NELL2: variants seen among roughly 807,000 people sequenced by gnomAD.
NELL2 encodes the protein neural EGFL like 2.
A neutral mutation model predicts 109.6 loss-of-function variants in NELL2; 41 were observed. The ratio of observed to expected loss-of-function variants is 0.37; its 90% CI spans 0.29 to 0.49. The LOEUF is 0.49. NELL2 is among the 20% of genes least tolerant of loss of function. NELL2 has a pLI of 0.98. For synonymous variants in NELL2, 355 were observed against 344.7 expected (o/e 1.03, Z -0.33); for missense variants, 900 against 1,008.3 (o/e 0.89, Z 1.45).
intron 12 of NELL2, among the ~76,000 whole-genome samples, chr12:44,684,432 A>T (rs1948642851): frequency 6.6e-6 from 1 of 151,660 alleles, no homozygotes; most frequent in Non-Finnish European, 1.5e-5. Context: ...TTCTGCTCTG[A>T]TTTTAGTTAT....
chr12:44,648,531 G>A (rs946090212), intron 13 of NELL2, among the ~76,000 whole-genome samples: 4 of 151,898 alleles, frequency 2.6e-5, no homozygotes, highest in African/African-American at 7.3e-5. Context: ...ATAAGTCAAC[G>A]AAGTTTCTAG....
intron 1 of NELL2, among the ~76,000 whole-genome samples, chr12:44,884,058 C>T (rs1945444194): frequency 6.6e-6 from 1 of 151,508 alleles, no homozygotes; most frequent in African/African-American, 2.4e-5. Context: ...TATAATCCCA[C>T]TATATGTTAT....
At chr12:44,779,397 G>C (rs1387819408) in intron 5 of NELL2, among the ~76,000 whole-genome samples, 1 of 152,050 alleles carries the variant, frequency 6.6e-6, no homozygotes, top group Non-Finnish European at 1.5e-5. Flanking sequence ...TGCTTTGAAA[G>C]GTTAATTCAA....
chr12:44,523,535 C>T lies in NELL2; in HGVS notation c.1805-51G>A, dbSNP rs1392328177. 4 of 1,507,538 alleles carry T rather than the reference C, an allele frequency of 2.7e-6. No individual in the cohort carries two copies. In the African/African-American group the frequency reaches 5.5e-5, roughly 21 times the overall value. 93.4% of individuals were successfully genotyped at this position (1,507,538 alleles called of 1,614,324 possible). On this transcript the variant is annotated intron_variant, in intron 16 of 19. Transcript: ENST00000429094. ...AATGTGCTTAGAATATGTGCAGTTTCAAACAACTGCAATCAGGCCAGTTGT... is the reference window on the plus strand; with the variant it reads ...AATGTGCTTAGAATATGTGCAGTTTTAAACAACTGCAATCAGGCCAGTTGT...
upstream of NELL2, among the ~76,000 whole-genome samples, chr12:44,916,951 C>T (rs1021642784): frequency 1.3e-5 from 2 of 152,138 alleles, no homozygotes; most frequent in Admixed American, 1.3e-4. Flanking sequence ...ATCCTTTCAA[C>T]CTGTTATTTA....
intron 1 of NELL2, among the ~76,000 whole-genome samples, chr12:44,896,583 A>G (rs938701419): frequency 6.6e-6 from 1 of 152,236 alleles, no homozygotes; most frequent in Admixed American, 6.5e-5. Context: ...ACATGTATAC[A>G]TATGAAAAGT....
chr12:44,816,933 T>C (rs1403181371), intron 2 of NELL2, among the ~76,000 whole-genome samples: 1 of 152,242 alleles, frequency 6.6e-6, no homozygotes, highest in African/African-American at 2.4e-5. Context: ...ATTCAAGCAA[T>C]GTGCTAACTG....
rs188837126 is a variant in NELL2 at position 44,815,861 on chromosome 12, C to T, written c.335+125G>A. The stretch of plus-strand genomic sequence containing the variant: ...CTTGAACTCCTGACCTCGTGATTTG[C>T]CCACCTCGGCTTCCCAAATCATAAA... On this transcript the variant is annotated intron_variant, in intron 3 of 19. Coordinates refer to ENST00000429094, the MANE Select transcript of NELL2 (RefSeq NM_001145108.2). The T allele has an allele frequency of 2.3e-4, 234 of 1,027,818 alleles. 1 individual carries two copies. The African/African-American group carries it at 3.3e-3, about 14-fold the overall frequency. 63.7% of individuals were successfully genotyped at this position (1,027,818 alleles called of 1,614,324 possible). A position where few individuals can be genotyped will look rare whatever the true frequency, so the allele number is the denominator to read the frequency against.
chr12:44,607,645 A>G lies in NELL2; in HGVS notation c.1568-381T>C, dbSNP rs557007075. 3.0e-4 allele frequency among the ~76,000 whole-genome samples: 45 copies of G among 152,266 alleles called. 2 individuals are homozygous for G. In the South Asian group the frequency reaches 8.5e-3, roughly 29 times the overall value. ...AAACCACCATCTAAAGAACGAGACC[A>G]TGAAACAGGAAATGGTTGAATCCCA... On this transcript the variant is annotated intron_variant, in intron 14 of 19. Coordinates refer to ENST00000429094, the MANE Select transcript of NELL2 (RefSeq NM_001145108.2).
intron 12 of NELL2, among the ~76,000 whole-genome samples, chr12:44,681,568 T>C (rs1366031971): frequency 6.6e-6 from 1 of 151,758 alleles, no homozygotes; most frequent in African/African-American, 2.4e-5. Context: ...CCCTCCCCTC[T>C]CCGCCCACCC....
At chr12:44,856,662 C>T (rs954721934) in intron 2 of NELL2, among the ~76,000 whole-genome samples, 3 of 152,024 alleles carry the variant, frequency 2.0e-5, no homozygotes, top group African/African-American at 7.3e-5. Flanking sequence ...AACAAGGATG[C>T]CACTGGCGTT....
chr12:44,558,794 C>G (rs931175594), intron 15 of NELL2, among the ~76,000 whole-genome samples: 1 of 152,000 alleles, frequency 6.6e-6, no homozygotes, highest in Non-Finnish European at 1.5e-5. Context: ...TTTTCATACT[C>G]CAGTGGCGAC....
chr12:44,519,291 T>C (rs930719126), intron 19 of NELL2, among the ~76,000 whole-genome samples: 2 of 152,216 alleles, frequency 1.3e-5, no homozygotes, highest in African/African-American at 4.8e-5. Flanking sequence ...GCCACAAAAT[T>C]AAATTTTTGT....
At chr12:44,886,290 C>T (rs561750147) in intron 1 of NELL2, among the ~76,000 whole-genome samples, 57 of 151,862 alleles carry the variant, frequency 3.8e-4, no homozygotes, top group Non-Finnish European at 7.1e-4. Flanking sequence ...ATTTCTTAAG[C>T]AGGACACAAA....
At chr12:44,905,811 A>G (rs1730416404) in intron 1 of NELL2, among the ~76,000 whole-genome samples, 1 of 152,034 alleles carries the variant, frequency 6.6e-6, no homozygotes, top group Non-Finnish European at 1.5e-5. Context: ...CAGAATGACC[A>G]TTATACATAT....
chr12:44,736,119 T>G (rs912780732), intron 9 of NELL2, among the ~76,000 whole-genome samples: 1 of 147,932 alleles, frequency 6.8e-6, no homozygotes. Context: ...CACGCCATTC[T>G]CCTGCCTCAG....
At chr12:44,546,261 A>G (rs1298561239) in intron 15 of NELL2, among the ~76,000 whole-genome samples, 1 of 152,168 alleles carries the variant, frequency 6.6e-6, no homozygotes, top group African/African-American at 2.4e-5. Context: ...ATATATCTGA[A>G]TGAGAAGTTG....
intron 15 of NELL2, among the ~76,000 whole-genome samples, chr12:44,559,185 A>G (rs1943375376): frequency 6.6e-6 from 1 of 152,230 alleles, no homozygotes; most frequent in African/African-American, 2.4e-5. Context: ...GAAGCAGTAA[A>G]CATGGAAAGG....
chr12:44,698,576 G>C (rs1949130100), intron 12 of NELL2, among the ~76,000 whole-genome samples: 1 of 152,178 alleles, frequency 6.6e-6, no homozygotes, highest in African/African-American at 2.4e-5. Context: ...ATGACACCTG[G>C]AGGCAGGAAT....
Sources: gnomAD v4.1 joint callset for allele counts (sites outside exome capture counted in the v4.1 genomes callset) on GRCh38, gnomAD v4.1.1 for gene constraint, MANE v1.5 for transcripts, NCBI Gene and HGNC (gene_info 2026-07-23, HGNC 2026-07-21) for gene names.